CAMK4: variants seen among roughly 807,000 people sequenced by gnomAD.
The protein encoded by CAMK4 is calcium/calmodulin-dependent protein kinase type IV.
A neutral mutation model predicts 44.9 loss-of-function variants in CAMK4; 22 were observed. The ratio of observed to expected loss-of-function variants is 0.49; its 90% confidence interval spans 0.35 to 0.70. The LOEUF (loss-of-function observed/expected upper bound fraction) is 0.70. Ranked by LOEUF, CAMK4 falls within the 30% of genes least tolerant of loss-of-function variation. The pLI is 0.01. For missense variants in CAMK4, 498 were observed against 586.8 expected (o/e 0.85, Z 1.56); for synonymous variants, 218 against 215.4 (o/e 1.01, Z -0.11).
At chr5:111,421,004 A>C (rs1186815835) in intron 5 of CAMK4, among the ~76,000 whole-genome samples, 1 of 152,226 alleles carries the variant, frequency 6.6e-6, no homozygotes, top group East Asian at 1.9e-4. Context: ...AGGAAATCAC[A>C]AGGGTATTGA....
At chr5:111,372,580 T>C (rs1751050637) in intron 2 of CAMK4, among the ~76,000 whole-genome samples, 1 of 151,918 alleles carries the variant, frequency 6.6e-6, no homozygotes. Context: ...ACCTCTCAAT[T>C]TGGTTATGTC....
chr5:111,433,827 T>C (rs1408889884), intron 5 of CAMK4, among the ~76,000 whole-genome samples: 4 of 152,250 alleles, frequency 2.6e-5, no homozygotes, highest in Non-Finnish European at 2.9e-5. Flanking sequence ...CAGCCACAAA[T>C]TGGGGACAAA....
intron 1 of CAMK4, among the ~76,000 whole-genome samples, chr5:111,246,078 A>G (rs920530017): frequency 5.3e-5 from 8 of 152,206 alleles, no homozygotes; most frequent in South Asian, 2.1e-4. Context: ...ATTGAAAGCT[A>G]TATTTTATGT....
intron 1 of CAMK4, among the ~76,000 whole-genome samples, chr5:111,251,973 T>A (rs1749519841): frequency 6.6e-6 from 1 of 152,194 alleles, no homozygotes; most frequent in African/African-American, 2.4e-5. Flanking sequence ...CAGAAAATAA[T>A]TATGAGTCCA....
chr5:111,348,943 G>A (rs1045365578), intron 2 of CAMK4, among the ~76,000 whole-genome samples: 5 of 151,974 alleles, frequency 3.3e-5, no homozygotes, highest in African/African-American at 9.7e-5. Context: ...AATAGAAAAT[G>A]ATAACTGAAC....
intron 2 of CAMK4, among the ~76,000 whole-genome samples, chr5:111,355,260 C>A (rs1750288775): frequency 6.6e-6 from 1 of 151,992 alleles, no homozygotes; most frequent in Non-Finnish European, 1.5e-5. Flanking sequence ...CAAACCAGGT[C>A]TCCTGGAATA....
At chr5:111,466,451 A>G (rs1754831290) in intron 7 of CAMK4, among the ~76,000 whole-genome samples, 1 of 152,184 alleles carries the variant, frequency 6.6e-6, no homozygotes, top group Non-Finnish European at 1.5e-5. Context: ...ACAAAACCCT[A>G]AAGACTCCTG....
At chr5:111,446,864 A>G in intron 6 of CAMK4, 88 bp downstream of exon 6, 2 of 791,000 alleles carry the variant, frequency 2.5e-6, no homozygotes, top group South Asian at 2.8e-5. Context: ...TGCTCCATCC[A>G]GTTTTACATC....
chr5:111,388,657 T>C (rs1028705229), intron 4 of CAMK4, among the ~76,000 whole-genome samples: 1 of 152,154 alleles, frequency 6.6e-6, no homozygotes, highest in Admixed American at 6.5e-5. Flanking sequence ...TTTAGCACAC[T>C]GTGTTGAATG....
intron 1 of CAMK4, among the ~76,000 whole-genome samples, chr5:111,327,523 C>T (rs2112711099): frequency 6.6e-6 from 1 of 152,184 alleles, no homozygotes; most frequent in Middle Eastern, 3.4e-3. Flanking sequence ...GGTATATACC[C>T]AGTAATGGGA....
chr5:111,303,563 T>G (rs1174662080), intron 1 of CAMK4, among the ~76,000 whole-genome samples: 1 of 110,040 alleles, frequency 9.1e-6, no homozygotes, highest in Non-Finnish European at 1.7e-5. Context: ...TAAAAAGAAA[T>G]GAGCAAAGCC....
At chr5:111,323,808 A>G (rs1460402592) in intron 1 of CAMK4, among the ~76,000 whole-genome samples, 1 of 152,122 alleles carries the variant, frequency 6.6e-6, no homozygotes, top group Non-Finnish European at 1.5e-5. Context: ...GTTCAGATTT[A>G]TAGAAATCAG....
rs1753891251 is a variant in CAMK4, at chr5:111,443,257, TATATATATATATATATATATATAC to T, written c.460-3427_460-3404del. On this transcript the variant is annotated intron_variant, in intron 5 of 10. Transcript: ENST00000282356. Reference sequence around the variant, plus strand: ...CCTCCCCCTACCATATATATATATATATATATATATATATATATATATACACACACACACACACACACACACACA... The same window carrying T: ...CCTCCCCCTACCATATATATATATATACACACACACACACACACACACACA... Among the ~76,000 whole-genome samples the T allele has an allele frequency of 9.7e-5, 4 of 41,252 alleles. No individual in the cohort carries two copies. In the Admixed American group the frequency reaches 1.3e-3, roughly 13 times the overall value. 27.1% of individuals were successfully genotyped at this position (41,252 alleles called of 152,430 possible). A position where few individuals can be genotyped will look rare whatever the true frequency, so the allele number is the denominator to read the frequency against.
intron 1 of CAMK4, among the ~76,000 whole-genome samples, chr5:111,291,823 C>T (rs1438286830): frequency 6.6e-6 from 1 of 152,122 alleles, no homozygotes; most frequent in African/African-American, 2.4e-5. Context: ...TATTTTTAAA[C>T]CTGTATGTAG....
chr5:111,369,444 A>G (rs933642704), intron 2 of CAMK4, among the ~76,000 whole-genome samples: 1 of 152,196 alleles, frequency 6.6e-6, no homozygotes, highest in Non-Finnish European at 1.5e-5. Context: ...TTTTAAATTT[A>G]CTAATTTTTA....
chr5:111,229,716 C>G (rs1748371716), intron 1 of CAMK4, among the ~76,000 whole-genome samples: 1 of 152,154 alleles, frequency 6.6e-6, no homozygotes, highest in Non-Finnish European at 1.5e-5. Context: ...AGCTCCAGCT[C>G]TTGGGGGATG....
At chr5:111,314,794 T>C (rs1748351985) in intron 1 of CAMK4, among the ~76,000 whole-genome samples, 1 of 152,078 alleles carries the variant, frequency 6.6e-6, no homozygotes, top group South Asian at 2.1e-4. Flanking sequence ...TGAAGAAAGC[T>C]GACATTTACC....
chr5:111,407,308 G>T (rs191072147), intron 5 of CAMK4, among the ~76,000 whole-genome samples: 2 of 149,322 alleles, frequency 1.3e-5, no homozygotes, highest in African/African-American at 5.0e-5. Context: ...CTGAGATCGC[G>T]CCACTGCACT....
At chr5:111,264,101 GCT>G (rs1187494846) in intron 1 of CAMK4, among the ~76,000 whole-genome samples, 1 of 152,078 alleles carries the variant, frequency 6.6e-6, no homozygotes, top group African/African-American at 2.4e-5. Context: ...TGAATGACTG[GCT>G]CTCTTTTTTA....
Sources: gnomAD v4.1 joint callset for allele counts (sites outside exome capture counted in the v4.1 genomes callset) on GRCh38, gnomAD v4.1.1 for gene constraint, MANE v1.5 for transcripts, NCBI Gene and HGNC (gene_info 2026-07-23, HGNC 2026-07-21) for gene names.